Variants in SPOCK3 observed in about 807,000 individuals in gnomAD.
SPOCK3 encodes the protein SPARC (osteonectin), cwcv and kazal like domains proteoglycan 3, also known as testican-3.
Under a neutral mutation model 56.6 loss-of-function variants are expected in SPOCK3, and 30 were observed. That is an observed-to-expected ratio of 0.53 (90% confidence interval 0.40 to 0.72). The LOEUF is 0.72. Ranked by LOEUF, SPOCK3 falls within the 30% of genes least tolerant of loss-of-function variation. The probability of loss-of-function intolerance (pLI) is 0.00; values close to 1 mark genes in which losing one functional copy is unlikely to be tolerated. For synonymous variants in SPOCK3, 196 were observed against 183.3 expected (o/e 1.07, Z -0.56); for missense variants, 527 against 530.0 (o/e 0.99, Z 0.06).
intron 5 of SPOCK3, among the ~76,000 whole-genome samples, chr4:166,893,273 C>T (rs748934300): frequency 1.3e-5 from 2 of 152,060 alleles, no homozygotes; most frequent in Admixed American, 6.6e-5. Flanking sequence ...TCTCAAGATC[C>T]CTTCCATATT....
intron 2 of SPOCK3, among the ~76,000 whole-genome samples, chr4:167,124,945 C>T (rs1762141686): frequency 6.6e-6 from 1 of 152,116 alleles, no homozygotes; most frequent in Admixed American, 6.5e-5. Flanking sequence ...TGTCCTCCCT[C>T]GGCCCAATAT....
rs554282164 is a variant in SPOCK3, at chr4:166,763,156, G to T, written c.710-8427C>A. ...AAGAAAAAAAAAAACTTTAAAAGTA[G>T]CCAGACAAATACTGAAACAGGAGAA... On this transcript the variant is annotated intron_variant, in intron 7 of 10. Coordinates refer to ENST00000357545, the MANE Select transcript of SPOCK3 (RefSeq NM_001040159.2). 4.7e-4 allele frequency among the ~76,000 whole-genome samples: 72 copies of T among 151,724 alleles called. 2 individuals carry two copies. In the South Asian group the frequency reaches 0.014, roughly 29 times the overall value.
intron 3 of SPOCK3, among the ~76,000 whole-genome samples, chr4:167,061,890 T>A (rs1401593213): frequency 6.6e-6 from 1 of 151,938 alleles, no homozygotes; most frequent in East Asian, 1.9e-4. Flanking sequence ...TATGATTGCT[T>A]GGGGCTTGAT....
chr4:167,221,539 A>G (rs1735919307), intron 2 of SPOCK3, among the ~76,000 whole-genome samples: 1 of 152,274 alleles, frequency 6.6e-6, no homozygotes, highest in Non-Finnish European at 1.5e-5. Context: ...GCTGATACTG[A>G]GTCACTTTAT....
At position 166,944,003 on chromosome 4, in the gene SPOCK3, C is replaced by T. The variant is rs559571544; in HGVS notation, c.351-31260G>A. Among the ~76,000 whole-genome samples, 95 of 152,116 alleles carry T rather than the reference C, an allele frequency of 6.2e-4. 3 individuals are homozygous for T. In the South Asian group the frequency reaches 0.017, roughly 28 times the overall value. ...CTCTGCTAATAATACAAAAATTAGC[C>T]GAGCATAGTGGCCCATGCCTGTAGT... On this transcript the variant is annotated intron_variant, in intron 4 of 10. Coordinates refer to ENST00000357545, the MANE Select transcript of SPOCK3 (RefSeq NM_001040159.2).
chr4:167,106,580 C>A lies in SPOCK3; in HGVS notation c.190-44043G>T, dbSNP rs1313998655. ...ATGTAATGATGTATCTTAAAGAATG[C>A]ATCATTTATTTAGAAAAGCAAGAGC... On this transcript the variant is annotated intron_variant, in intron 2 of 10. Coordinates refer to ENST00000357545, the MANE Select transcript of SPOCK3 (RefSeq NM_001040159.2). Among the ~76,000 whole-genome samples the A allele has an allele frequency of 9.3e-5, 14 of 150,682 alleles. No homozygotes were observed. In the East Asian group the frequency reaches 2.7e-3, roughly 29 times the overall value.
intron 3 of SPOCK3, among the ~76,000 whole-genome samples, chr4:167,049,353 C>T (rs1206623323): frequency 2.6e-5 from 4 of 152,046 alleles, no homozygotes; most frequent in African/African-American, 7.2e-5. Context: ...CTCCACAAAA[C>T]AAAGTATACT....
At chr4:167,213,664 C>T (rs556560096) in intron 2 of SPOCK3, among the ~76,000 whole-genome samples, 2 of 151,728 alleles carry the variant, frequency 1.3e-5, no homozygotes, top group Admixed American at 1.3e-4. Flanking sequence ...CTTTTTCCTC[C>T]ATGATCAATT....
intron 7 of SPOCK3, among the ~76,000 whole-genome samples, chr4:166,781,588 C>T (rs1054939780): frequency 2.0e-5 from 3 of 151,490 alleles, no homozygotes; most frequent in South Asian, 2.1e-4. Flanking sequence ...AAAATGGGGT[C>T]GAAGAATATT....
chr4:166,999,338 G>C (rs1279386849), intron 4 of SPOCK3, among the ~76,000 whole-genome samples: 2 of 151,980 alleles, frequency 1.3e-5, no homozygotes, highest in Admixed American at 6.6e-5. Flanking sequence ...TGTACAACAG[G>C]GTGTTATGTA....
intron 5 of SPOCK3, among the ~76,000 whole-genome samples, chr4:166,890,386 C>T (rs576952474): frequency 6.6e-6 from 1 of 151,956 alleles, no homozygotes; most frequent in Non-Finnish European, 1.5e-5. Flanking sequence ...ACCTAATTTC[C>T]AGAGTTTTAA....
At chr4:167,156,244 T>G (rs1764808869) in intron 2 of SPOCK3, among the ~76,000 whole-genome samples, 1 of 152,170 alleles carries the variant, frequency 6.6e-6, no homozygotes, top group Admixed American at 6.6e-5. Flanking sequence ...AGTGACTCTA[T>G]GGGCCAGTGC....
At chr4:166,814,222 C>G (rs975513182) in intron 6 of SPOCK3, among the ~76,000 whole-genome samples, 2 of 152,052 alleles carry the variant, frequency 1.3e-5, no homozygotes, top group Non-Finnish European at 2.9e-5. Flanking sequence ...AGCTTAGAGT[C>G]GAATTTGGCT....
intron 2 of SPOCK3, among the ~76,000 whole-genome samples, chr4:167,161,246 T>C (rs2150440406): frequency 6.6e-6 from 1 of 152,184 alleles, no homozygotes; most frequent in South Asian, 2.1e-4. Flanking sequence ...AACAGACACT[T>C]CTCAAAAGAA....
intron 4 of SPOCK3, among the ~76,000 whole-genome samples, chr4:166,960,887 T>C (rs976899792): frequency 3.3e-5 from 5 of 152,132 alleles, no homozygotes; most frequent in Admixed American, 6.6e-5. Flanking sequence ...GGATACGATG[T>C]TTTAGGAAGA....
intron 2 of SPOCK3, among the ~76,000 whole-genome samples, chr4:167,153,571 T>C (rs1241019371): frequency 6.6e-6 from 1 of 152,200 alleles, no homozygotes; most frequent in Non-Finnish European, 1.5e-5. Context: ...TATTGGATAA[T>C]GCAAATATAG....
chr4:167,072,435 T>G (rs925492348), intron 2 of SPOCK3, among the ~76,000 whole-genome samples: 1 of 151,966 alleles, frequency 6.6e-6, no homozygotes, highest in Non-Finnish European at 1.5e-5. Flanking sequence ...ATTCAGTATC[T>G]GGTCTTTTAC....
At chr4:166,947,352 G>A (rs1003036022) in intron 4 of SPOCK3, among the ~76,000 whole-genome samples, 7 of 152,004 alleles carry the variant, frequency 4.6e-5, no homozygotes, top group African/African-American at 7.2e-5. Flanking sequence ...CTTTTAGAGC[G>A]TTATCATTTT....
At chr4:166,928,076 C>G (rs1015288231) in intron 4 of SPOCK3, among the ~76,000 whole-genome samples, 1 of 152,112 alleles carries the variant, frequency 6.6e-6, no homozygotes, top group African/African-American at 2.4e-5. Flanking sequence ...GCTGACAACA[C>G]CAAAAGCTGG....
Sources: gnomAD v4.1 joint callset for allele counts (sites outside exome capture counted in the v4.1 genomes callset) on GRCh38, gnomAD v4.1.1 for gene constraint, MANE v1.5 for transcripts, NCBI Gene and HGNC (gene_info 2026-07-23, HGNC 2026-07-21) for gene names.